Variants in DLG5 observed in about 807,000 individuals in gnomAD.
The protein encoded by DLG5 is discs large MAGUK scaffold protein 5, also known as disks large homolog 5.
In DLG5, 48 loss-of-function variants were observed where a neutral mutation model predicts 189.8. The observed-to-expected ratio is 0.25, with a 90% confidence interval of 0.20 to 0.32. The LOEUF is 0.32. DLG5 is among the 10% of genes least tolerant of loss of function. The pLI, the probability that DLG5 is intolerant of heterozygous loss-of-function variation, is 1.00. For missense variants in DLG5, 2,160 were observed against 2,544.7 expected, an observed-to-expected ratio of 0.85 and a Z score of 3.25; for synonymous variants, 1,016 against 1,054.1, an observed-to-expected ratio of 0.96 and a Z score of 0.70.
chr10:77,924,905 C>T (rs1846641208), intron 1 of DLG5, among the ~76,000 whole-genome samples: 1 of 152,108 alleles, frequency 6.6e-6, no homozygotes, highest in African/African-American at 2.4e-5. Context: ...GAGCTGTTAC[C>T]AGGAATGCCT....
Position 77,881,390 on chromosome 10 carries a change from A to G in DLG5, c.305-12193T>C, listed in dbSNP as rs148507218. On this transcript the variant is annotated intron_variant, in intron 1 of 31. Transcript: ENST00000372391. ...CAAGCAGGCATGCTATCTCGTGGCCAGCATGCAGCACTGTGGCCAAGGCCA... is the reference window on the plus strand; with the variant it reads ...CAAGCAGGCATGCTATCTCGTGGCCGGCATGCAGCACTGTGGCCAAGGCCA... Among the ~76,000 whole-genome samples, 459 of 152,290 alleles carry G rather than the reference A, an allele frequency of 3.0e-3. 3 individuals are homozygous for G. The highest frequency in any genetic ancestry group is 4.4e-3 in the Non-Finnish European group (301 of 68,008).
intron 27 of DLG5, among the ~76,000 whole-genome samples, chr10:77,801,131 A>G (rs962240447): frequency 1.3e-5 from 2 of 152,202 alleles, no homozygotes; most frequent in Non-Finnish European, 2.9e-5. Flanking sequence ...GGACCAAGAA[A>G]AACAAAGACC....
At chr10:77,873,637 C>T (rs959519138) in intron 1 of DLG5, among the ~76,000 whole-genome samples, 1 of 152,130 alleles carries the variant, frequency 6.6e-6, no homozygotes, top group Non-Finnish European at 1.5e-5. Flanking sequence ...GATGGAAGCA[C>T]GCCCCCAACA....
In DLG5 at chr10:77,812,206, C is replaced by A. The variant is rs1178697050; in HGVS notation, c.4188+9G>T. The stretch of plus-strand genomic sequence containing the variant: ...ATGGGCGCCATGCAGGAGGGCAGCT[C>A]CCTCTCACCTCCAGTAACTGATCCC... On this transcript the variant is annotated intron_variant, in intron 21 of 31. Coordinates refer to ENST00000372391, the MANE Select transcript of DLG5 (RefSeq NM_004747.4). 3 of 1,609,910 alleles carry A rather than the reference C, an allele frequency of 1.9e-6. No homozygotes were observed. The South Asian group carries it at 3.3e-5, about 18-fold the overall frequency.
chr10:77,870,754 G>A (rs1327983115), intron 1 of DLG5, among the ~76,000 whole-genome samples: 9 of 152,040 alleles, frequency 5.9e-5, no homozygotes, highest in African/African-American at 1.4e-4. Context: ...ATCTTTGGAC[G>A]GGAAAGAGGA....
At chr10:77,799,742 G>A (rs561077438) in intron 27 of DLG5, among the ~76,000 whole-genome samples, 2 of 152,116 alleles carry the variant, frequency 1.3e-5, no homozygotes, top group East Asian at 1.9e-4. Context: ...CTGAGTAGCC[G>A]GGACTACAGG....
At chr10:77,887,162 T>C (rs972607898) in intron 1 of DLG5, among the ~76,000 whole-genome samples, 2 of 152,222 alleles carry the variant, frequency 1.3e-5, no homozygotes, top group African/African-American at 2.4e-5. Context: ...AACGTATTGC[T>C]GTTAGCCCCA....
intron 1 of DLG5, among the ~76,000 whole-genome samples, chr10:77,874,654 T>C (rs60758387): frequency 0.045 from 6,840 of 152,346 alleles, 288 homozygotes; most frequent in East Asian, 0.25. Context: ...TATCTCATTA[T>C]GTATATGCAA....
intron 1 of DLG5, among the ~76,000 whole-genome samples, chr10:77,877,777 C>A (rs1041972405): frequency 3.3e-5 from 5 of 152,268 alleles, no homozygotes; most frequent in Admixed American, 1.3e-4. Context: ...CGTGCTATGC[C>A]CTGGAAGGTG....
In DLG5 at chr10:77,926,426, G is replaced by A; in HGVS notation, c.95C>T (p.Ala32Val). The A allele has an allele frequency of 6.4e-7, 1 of 1,571,986 alleles. No individual in the cohort carries two copies. Among genetic ancestry groups the A allele is most frequent in the Non-Finnish European group, 8.6e-7 (1 of 1,161,702 alleles). Reference protein sequence around the residue: ...EVEAVLGLLEAAGALSPGERR... With the variant: ...EVEAVLGLLEVAGALSPGERR... Reference sequence around the variant, plus strand: ...CTCGCCGGGACTGAGCGCTCCCGCGGCCTCGAGCAGCCCGAGCACGGCTTC... The same window carrying A: ...CTCGCCGGGACTGAGCGCTCCCGCGACCTCGAGCAGCCCGAGCACGGCTTC... The change falls in exon 1 of 32, where the codon GCC becomes GTC. Residue 32 changes from alanine (A) to valine (V), a missense_variant. This residue lies in a region of DLG5 where 664 missense variants were observed against 838.5 expected (regional missense o/e 0.79). Transcript: ENST00000372391. This position sits in a 1 kb window ranked among gnomAD's most constrained non-coding sequence, Gnocchi z 5.2.
intron 1 of DLG5, chr10:77,869,436 A>G: frequency 2.0e-6 from 1 of 496,022 alleles, no homozygotes; most frequent in South Asian, 2.5e-5. Context: ...GCAGAGGGGA[A>G]CTTGGAGTCA....
chr10:77,836,280 T>G (rs2154576119), intron 7 of DLG5, among the ~76,000 whole-genome samples: 1 of 152,158 alleles, frequency 6.6e-6, no homozygotes, highest in Middle Eastern at 3.4e-3. Context: ...AGTTATATGC[T>G]CCACTAAAAT....
chr10:77,860,412 C>T (rs189664221), intron 2 of DLG5, among the ~76,000 whole-genome samples: 7 of 152,358 alleles, frequency 4.6e-5, no homozygotes, highest in African/African-American at 1.7e-4. Flanking sequence ...ATTCTCCTGC[C>T]TCTGCCTACC....
intron 2 of DLG5, among the ~76,000 whole-genome samples, chr10:77,860,890 A>T (rs1034155281): frequency 1.3e-5 from 2 of 152,236 alleles, no homozygotes; most frequent in African/African-American, 2.4e-5. Flanking sequence ...AAAATTTACA[A>T]GATTAGAAAT....
intron 31 of DLG5, chr10:77,793,282 A>ACG (rs2154574706): frequency 6.5e-6 from 1 of 153,206 alleles, no homozygotes; most frequent in African/African-American, 2.4e-5. Context: ...CCACACACAC[A>ACG]CACACACAGA....
At chr10:77,907,753 A>G (rs1031685375) in intron 1 of DLG5, among the ~76,000 whole-genome samples, 1 of 152,180 alleles carries the variant, frequency 6.6e-6, no homozygotes, top group Admixed American at 6.5e-5. Flanking sequence ...GGCCATGGTC[A>G]CGGTAAGTGG....
chr10:77,804,755 C>G (rs2812409), intron 27 of DLG5, among the ~76,000 whole-genome samples: 2 of 152,054 alleles, frequency 1.3e-5, no homozygotes, highest in Non-Finnish European at 2.9e-5. Flanking sequence ...AAGACTTGTT[C>G]ATGAACACAG....
intron 1 of DLG5, among the ~76,000 whole-genome samples, chr10:77,901,454 C>A (rs1845924165): frequency 1.3e-5 from 2 of 152,230 alleles, no homozygotes; most frequent in South Asian, 2.1e-4. Flanking sequence ...TGCACCTGAG[C>A]AAACCCATCT....
intron 5 of DLG5, among the ~76,000 whole-genome samples, chr10:77,852,504 C>T (rs974687266): frequency 6.6e-6 from 1 of 152,098 alleles, no homozygotes; most frequent in African/African-American, 2.4e-5. Flanking sequence ...CATGCTCTGC[C>T]TGCCGGGTTC....
Sources: gnomAD v4.1 joint callset for allele counts (sites outside exome capture counted in the v4.1 genomes callset) on GRCh38, gnomAD v4.1.1 for gene constraint, gnomAD v4.1.1 regional missense constraint, Gnocchi (gnomAD v3.1) non-coding constraint, MANE v1.5 for transcripts, NCBI Gene and HGNC (gene_info 2026-07-23, HGNC 2026-07-21) for gene names.